ANK2: variants seen among roughly 807,000 people sequenced by gnomAD.
ANK2 encodes ankyrin 2, also known as ankyrin-2.
In ANK2, 83 loss-of-function variants were observed where a neutral mutation model predicts 360.5. The ratio of observed to expected loss-of-function variants is 0.23; its 90% CI spans 0.19 to 0.28. The LOEUF is 0.28. Among genes scored for constraint, ANK2 ranks in the 10% least tolerant of loss-of-function variants. The pLI is 1.00. For missense variants in ANK2, 4,201 were observed against 4,795.7 expected, an observed-to-expected ratio of 0.88 and a Z score of 3.66; for synonymous variants, 1,740 against 1,759.5, an observed-to-expected ratio of 0.99 and a Z score of 0.28.
chr4:113,318,579 C>G lies in ANK2; in HGVS notation c.2859C>G (p.Asn953Lys), dbSNP rs755255053. The change falls in exon 26 of 46, where the codon AAC becomes AAG. Residue 953 changes from asparagine to lysine, a missense_variant. By Grantham distance (94) the Asn-to-Lys change is moderately conservative. This residue lies in a region of ANK2 where 1,268 missense variants were observed against 1,650.8 expected (regional missense o/e 0.77). Coordinates refer to ENST00000357077, the MANE Select transcript of ANK2 (RefSeq NM_001148.6). ...ATCGCCTAAGCTGGGGCACTGAGAACTTAGACAACGTGGCTCTTTCTTCTA... is the reference window on the plus strand; with the variant it reads ...ATCGCCTAAGCTGGGGCACTGAGAAGTTAGACAACGTGGCTCTTTCTTCTA... ...NSYRLSWGTE[N>K]LDNVALSSSP... 2 of 1,613,736 alleles carry G rather than the reference C, an allele frequency of 1.2e-6. No individual in the cohort carries two copies. Among genetic ancestry groups the G allele is most frequent in the East Asian group, 2.2e-5 (1 of 44,862 alleles).
At chr4:112,760,564 T>A in the ANK2 span, among the ~76,000 whole-genome samples, 11 of 151,674 alleles carry the variant, frequency 7.3e-5, no homozygotes, top group Admixed American at 6.6e-4. Context: ...TATTATACTT[T>A]AAGTTTTAGG....
intron 2 of ANK2, among the ~76,000 whole-genome samples, chr4:112,964,577 T>C (rs1213802656): frequency 6.6e-6 from 1 of 150,544 alleles, no homozygotes; most frequent in African/African-American, 2.4e-5. Flanking sequence ...TTTTTTCTTT[T>C]TTTTTTTTTT....
intron 1 of ANK2, among the ~76,000 whole-genome samples, chr4:113,130,318 A>T (rs1055539871): frequency 1.5e-4 from 23 of 151,398 alleles, no homozygotes; most frequent in Middle Eastern, 3.4e-3. Flanking sequence ...ACTCAGTAAA[A>T]TTTTTTTTTC....
At chr4:113,328,051 G>A (rs1004958280) in intron 26 of ANK2, among the ~76,000 whole-genome samples, 4 of 152,008 alleles carry the variant, frequency 2.6e-5, no homozygotes, top group South Asian at 2.1e-4. Context: ...TTCTTCCATC[G>A]AGGCTCCATG....
intron 45 of ANK2, chr4:113,377,995 C>T (rs530277298): frequency 2.2e-6 from 1 of 462,640 alleles, no homozygotes; most frequent in Admixed American, 4.3e-5. Flanking sequence ...TCAAGTATAT[C>T]TTTTCATACT....
rs77191667 is a variant in ANK2, at chr4:113,085,436, C to T, written c.84+35624C>T. ...TCAAGCAATTCTCCTGCCTCATTCT[C>T]CTGGGACTACAGGCGTGTGCCACCA... On this transcript the variant is annotated intron_variant, in intron 1 of 45. Transcript: ENST00000357077. Among the ~76,000 whole-genome samples, 1,206 of 152,004 alleles carry T rather than the reference C, an allele frequency of 7.9e-3. 39 individuals are homozygous for T. In the East Asian group the frequency reaches 0.1, roughly 13 times the overall value.
At chr4:112,831,981 C>T (rs1473314518) in intron 1 of ANK2, among the ~76,000 whole-genome samples, 1 of 152,206 alleles carries the variant, frequency 6.6e-6, no homozygotes, top group East Asian at 1.9e-4. Context: ...ACTCCAGACG[C>T]ACCATCTTTA....
At chr4:112,823,506 TG>T (rs1560668436) in intron 1 of ANK2, among the ~76,000 whole-genome samples, 1 of 149,820 alleles carries the variant, frequency 6.7e-6, no homozygotes, top group African/African-American at 2.5e-5. Context: ...GGTCCTAGTA[TG>T]AACAGACAGA....
In ANK2 at chr4:112,849,548, G is replaced by A. The variant is rs143512310; in HGVS notation, c.-40+31284G>A. On this transcript the variant is annotated intron_variant, in intron 1 of 30. Coordinates refer to the ANK2 transcript ENST00000503271. ...TCTTCTTTGTTATCTCTTACCTGTC[G>A]AGGCTAGTTAATATGCTGCCTCTAG... Among the ~76,000 whole-genome samples the A allele has an allele frequency of 8.5e-5, 13 of 152,148 alleles. No individual in the cohort carries two copies. In the East Asian group the frequency reaches 1.7e-3, roughly 20 times the overall value.
chr4:113,158,050 G>T (rs926197163), intron 1 of ANK2, among the ~76,000 whole-genome samples: 2 of 152,088 alleles, frequency 1.3e-5, no homozygotes, highest in Non-Finnish European at 2.9e-5. Flanking sequence ...ATAGCCAGAG[G>T]GTATACACAA....
At chr4:112,813,860 C>G (rs187021984), upstream of ANK2, among the ~76,000 whole-genome samples, 36 of 152,266 alleles carry the variant, frequency 2.4e-4, no homozygotes, top group Admixed American at 1.8e-3. Flanking sequence ...AGAAATAGGC[C>G]TCAATGCTGA....
At chr4:113,067,672 A>G (rs985501132) in intron 1 of ANK2, among the ~76,000 whole-genome samples, 4 of 152,196 alleles carry the variant, frequency 2.6e-5, no homozygotes, top group African/African-American at 9.7e-5. Flanking sequence ...TTCAGGTTGG[A>G]GGCAAAGAAG....
Position 113,008,347 on chromosome 4 carries a change from A to T in ANK2, c.21+103833A>T, listed in dbSNP as rs1326999716. Among the ~76,000 whole-genome samples the T allele has an allele frequency of 2.6e-5, 4 of 152,148 alleles. No individual in the cohort carries two copies. In the East Asian group the frequency reaches 7.7e-4, roughly 29 times the overall value. The stretch of plus-strand genomic sequence containing the variant: ...TGATTACCATCTGTTTGCTTTTGCA[A>T]GTGTAGCCCTAGAATTCTGATATGC... On this transcript the variant is annotated intron_variant, in intron 2 of 30. Coordinates refer to the ANK2 transcript ENST00000503271.
intron 22 of ANK2, among the ~76,000 whole-genome samples, chr4:113,300,770 C>T (rs1055698742): frequency 6.6e-6 from 1 of 152,180 alleles, no homozygotes; most frequent in Non-Finnish European, 1.5e-5. Flanking sequence ...CAGCTCAACA[C>T]GATCGTAGCA....
intron 2 of ANK2, among the ~76,000 whole-genome samples, chr4:112,914,060 C>A (rs570216538): frequency 6.6e-6 from 1 of 152,102 alleles, no homozygotes; most frequent in East Asian, 1.9e-4. Flanking sequence ...TTTTATTACC[C>A]TCCTTTTGTG....
At chr4:112,889,569 T>A (rs1428087639) in intron 1 of ANK2, among the ~76,000 whole-genome samples, 2 of 152,072 alleles carry the variant, frequency 1.3e-5, no homozygotes, top group East Asian at 3.8e-4. Context: ...TTGTTCTTTT[T>A]TTTTTGACTG....
chr4:113,116,527 C>T (rs1421610298), intron 1 of ANK2, among the ~76,000 whole-genome samples: 1 of 152,218 alleles, frequency 6.6e-6, no homozygotes, highest in East Asian at 1.9e-4. Context: ...TGTATTGCCA[C>T]GGCAGTGGCA....
intron 2 of ANK2, among the ~76,000 whole-genome samples, chr4:113,000,077 C>A (rs2050074655): frequency 6.6e-6 from 1 of 152,064 alleles, no homozygotes; most frequent in East Asian, 1.9e-4. Flanking sequence ...AGAAGTGAAC[C>A]CCCACAGAAA....
rs772003205 is a variant in ANK2, at chr4:113,335,887, C to T, written c.3421C>T (p.Arg1141Cys). 2 of 1,614,102 alleles carry T rather than the reference C, an allele frequency of 1.2e-6. No individual in the cohort carries two copies. The highest frequency in any genetic ancestry group is 1.1e-5 in the South Asian group (1 of 91,078). ...AGACCTAGAAAAGAAACGAATCTGCCGCATCATCACCCGAGACTTCCCACA... is the reference window on the plus strand; with the variant it reads ...AGACCTAGAAAAGAAACGAATCTGCTGCATCATCACCCGAGACTTCCCACA... Reference protein sequence around the residue: ...PEDLEKKRICRIITRDFPQYF... With the variant: ...PEDLEKKRICCIITRDFPQYF... The change falls in exon 30 of 46, where the codon CGC becomes TGC. Residue 1141 changes from arginine to cysteine, a missense_variant. Transcript: ENST00000357077.
Sources: gnomAD v4.1 joint callset for allele counts (sites outside exome capture counted in the v4.1 genomes callset) on GRCh38, gnomAD v4.1.1 for gene constraint, gnomAD v4.1.1 regional missense constraint, MANE v1.5 for transcripts, NCBI Gene and HGNC (gene_info 2026-07-23, HGNC 2026-07-21) for gene names.